RCAN2: variants seen among roughly 807,000 people sequenced by gnomAD.
RCAN2 encodes calcipressin-2.
In RCAN2, 9 loss-of-function variants were observed where a neutral mutation model predicts 23.6. That is an observed-to-expected ratio of 0.38 (90% CI 0.23 to 0.67). RCAN2 has a LOEUF of 0.67. Ranked by LOEUF, RCAN2 falls within the 30% of genes least tolerant of loss-of-function variation. The pLI is 0.51. For missense variants in RCAN2, 273 were observed against 302.3 expected (o/e 0.90, Z 0.72); for synonymous variants, 109 against 115.7 (o/e 0.94, Z 0.37).
In RCAN2 at chr6:46,425,896, CTTTTTTTTTTT is replaced by C. The variant is rs1049166361; in HGVS notation, c.225+30845_225+30855del. On this transcript the variant is annotated intron_variant, in intron 2 of 4. Transcript: ENST00000371374. ...ATAGAGGCTAATTACTTCTTTCTTTCTTTTTTTTTTTTTTTTTTTTGAGACAGAGTCTCACC... is the reference window on the plus strand; with the variant it reads ...ATAGAGGCTAATTACTTCTTTCTTTCTTTTTTTTTGAGACAGAGTCTCACC... Among the ~76,000 whole-genome samples the C allele has an allele frequency of 3.9e-5, 5 of 126,696 alleles. No homozygotes were observed. The East Asian group carries it at 1.1e-3, about 28-fold the overall frequency. 83.1% of individuals were successfully genotyped at this position (126,696 alleles called of 152,430 possible).
intron 1 of RCAN2, among the ~76,000 whole-genome samples, chr6:46,470,347 C>G (rs1673517788): frequency 6.6e-6 from 1 of 152,138 alleles, no homozygotes; most frequent in Non-Finnish European, 1.5e-5. Flanking sequence ...TAGCACCATC[C>G]CATATATATA....
intron 2 of RCAN2, among the ~76,000 whole-genome samples, chr6:46,255,813 G>C (rs1309090313): frequency 6.6e-6 from 1 of 152,156 alleles, no homozygotes; most frequent in Non-Finnish European, 1.5e-5. Flanking sequence ...GGGCTTCACA[G>C]AGATCATCTA....
intron 2 of RCAN2, among the ~76,000 whole-genome samples, chr6:46,388,119 G>A (rs541038559): frequency 6.6e-6 from 1 of 151,996 alleles, no homozygotes; most frequent in Non-Finnish European, 1.5e-5. Context: ...GGGGGTAGGG[G>A]GGAGGGAAAG....
chr6:46,423,071 C>T (rs1412838137), intron 2 of RCAN2, among the ~76,000 whole-genome samples: 2 of 152,110 alleles, frequency 1.3e-5, no homozygotes, highest in Admixed American at 6.6e-5. Context: ...CCAGGTGTTT[C>T]ATTTGGGGTA....
chr6:46,334,763 T>A (rs1385823808), intron 2 of RCAN2, among the ~76,000 whole-genome samples: 1 of 152,212 alleles, frequency 6.6e-6, no homozygotes, highest in African/African-American at 2.4e-5. Context: ...GCCCCACAGA[T>A]ACCTTACAGC....
chr6:46,372,261 G>A (rs1765343866), intron 2 of RCAN2, among the ~76,000 whole-genome samples: 1 of 152,144 alleles, frequency 6.6e-6, no homozygotes, highest in Non-Finnish European at 1.5e-5. Context: ...TTTTTATTGA[G>A]CACTTCATTT....
At chr6:46,335,307 G>T (rs1365801371) in intron 2 of RCAN2, among the ~76,000 whole-genome samples, 1 of 152,192 alleles carries the variant, frequency 6.6e-6, no homozygotes, top group Non-Finnish European at 1.5e-5. Context: ...GCCCAGTGAT[G>T]CCCTGTCCTG....
intron 2 of RCAN2, among the ~76,000 whole-genome samples, chr6:46,257,899 A>G (rs1306242345): frequency 1.3e-5 from 2 of 152,234 alleles, no homozygotes; most frequent in Non-Finnish European, 2.9e-5. Context: ...AGAAGTCTCC[A>G]AACAGGAATA....
chr6:46,488,545 G>A (rs1307175317), intron 1 of RCAN2, among the ~76,000 whole-genome samples: 2 of 152,126 alleles, frequency 1.3e-5, no homozygotes, highest in East Asian at 3.9e-4. Flanking sequence ...TTCTCTAAAA[G>A]CAACCTTACA....
intron 2 of RCAN2, among the ~76,000 whole-genome samples, chr6:46,277,080 T>C (rs961921008): frequency 3.3e-5 from 5 of 152,248 alleles, no homozygotes; most frequent in African/African-American, 4.8e-5. Context: ...TTTTGTTCTA[T>C]CAAAAAAGTA....
chr6:46,276,461 A>G (rs796098305), intron 2 of RCAN2, among the ~76,000 whole-genome samples: 25 of 152,268 alleles, frequency 1.6e-4, no homozygotes, highest in African/African-American at 6.0e-4. Context: ...CTGTGGTCCT[A>G]TGATTTAAAT....
At chr6:46,258,537 A>C (rs1397240762) in intron 2 of RCAN2, among the ~76,000 whole-genome samples, 1 of 152,234 alleles carries the variant, frequency 6.6e-6, no homozygotes, top group Non-Finnish European at 1.5e-5. Context: ...AGAAGCCTTT[A>C]TCCTTTCTCC....
intron 2 of RCAN2, among the ~76,000 whole-genome samples, chr6:46,328,980 GC>G (rs540552422): frequency 3.9e-5 from 6 of 152,092 alleles, no homozygotes; most frequent in Non-Finnish European, 8.8e-5. Flanking sequence ...ATACACTTTG[GC>G]CAATGGCTAC....
chr6:46,321,669 T>C (rs1763622420), intron 2 of RCAN2, among the ~76,000 whole-genome samples: 1 of 152,186 alleles, frequency 6.6e-6, no homozygotes, highest in African/African-American at 2.4e-5. Context: ...CAGGTTTGGA[T>C]GCCCCCTGGC....
chr6:46,395,570 T>C (rs965500481), intron 2 of RCAN2, among the ~76,000 whole-genome samples: 1 of 152,232 alleles, frequency 6.6e-6, no homozygotes, highest in African/African-American at 2.4e-5. Context: ...TACTCTAATA[T>C]GTCAGATTGT....
chr6:46,444,812 C>A (rs969858688), intron 2 of RCAN2, among the ~76,000 whole-genome samples: 4 of 152,150 alleles, frequency 2.6e-5, no homozygotes, highest in African/African-American at 4.8e-5. Context: ...CCAGGACCAC[C>A]CCTTGGACCC....
intron 1 of RCAN2, among the ~76,000 whole-genome samples, chr6:46,473,800 T>C (rs1768634649): frequency 6.6e-6 from 1 of 152,234 alleles, no homozygotes; most frequent in Admixed American, 6.5e-5. Flanking sequence ...TCTGTCATTT[T>C]ATTCTTTAGG....
intron 1 of RCAN2, among the ~76,000 whole-genome samples, chr6:46,460,348 C>T (rs1461344190): frequency 1.3e-5 from 2 of 152,224 alleles, no homozygotes; most frequent in Non-Finnish European, 2.9e-5. Context: ...AGATGTCAGA[C>T]ACTGTGCCCA....
At chr6:46,344,002 A>T (rs1488085585) in intron 2 of RCAN2, among the ~76,000 whole-genome samples, 1 of 152,262 alleles carries the variant, frequency 6.6e-6, no homozygotes, top group Non-Finnish European at 1.5e-5. Flanking sequence ...TATTCCATTC[A>T]TATGAAATGT....
Sources: gnomAD v4.1 joint callset for allele counts (sites outside exome capture counted in the v4.1 genomes callset) on GRCh38, gnomAD v4.1.1 for gene constraint, MANE v1.5 for transcripts, NCBI Gene and HGNC (gene_info 2026-07-23, HGNC 2026-07-21) for gene names.